The following PLEKHA1 variants were observed in gnomAD, a reference collection of about 807,000 sequenced individuals.
The protein encoded by PLEKHA1 is pleckstrin homology domain containing A1.
Under a neutral mutation model 52.0 loss-of-function variants are expected in PLEKHA1, and 34 were observed. The ratio of observed to expected loss-of-function variants is 0.65; its 90% CI spans 0.50 to 0.87. PLEKHA1 has a LOEUF of 0.87. PLEKHA1 is among the 40% of genes least tolerant of loss of function. The pLI is 0.00. For synonymous variants in PLEKHA1, 163 were observed against 170.7 expected (o/e 0.95, Z 0.35); for missense variants, 497 against 504.2 (o/e 0.99, Z 0.14).
chr10:122,428,632 AT>A (rs1229872235), intron 11 of PLEKHA1, among the ~76,000 whole-genome samples: 1 of 152,154 alleles, frequency 6.6e-6, no homozygotes, highest in Non-Finnish European at 1.5e-5. Flanking sequence ...GTATTTAAAA[AT>A]TTTTAAGATA....
At chr10:122,404,844 C>T (rs1590624162) in intron 4 of PLEKHA1, among the ~76,000 whole-genome samples, 2 of 152,176 alleles carry the variant, frequency 1.3e-5, no homozygotes, top group Non-Finnish European at 2.9e-5. Context: ...GTGTTTTGGT[C>T]TCAGTCCCAA....
At chr10:122,390,252 G>A (rs1388608869) in intron 1 of PLEKHA1, among the ~76,000 whole-genome samples, 1 of 152,210 alleles carries the variant, frequency 6.6e-6, no homozygotes, top group Non-Finnish European at 1.5e-5. Context: ...GGGGAATACT[G>A]TAGCTAATTT....
At chr10:122,374,998 G>C (rs1285847352) in intron 1 of PLEKHA1, 192 bp downstream of exon 1, 2 of 151,942 alleles carry the variant, frequency 1.3e-5, no homozygotes, top group African/African-American at 4.8e-5. Flanking sequence ...GCGCACGTCC[G>C]CGCCACGCGC....
intron 11 of PLEKHA1, among the ~76,000 whole-genome samples, chr10:122,428,829 A>T (rs1244919492): frequency 6.6e-6 from 1 of 152,236 alleles, no homozygotes; most frequent in African/African-American, 2.4e-5. Context: ...CACTGGTATC[A>T]TAAATGAATA....
Position 122,380,265 on chromosome 10 carries a change from A to G in PLEKHA1, c.-21+5459A>G, listed in dbSNP as rs1007805770. On this transcript the variant is annotated intron_variant, in intron 1 of 11. Transcript: ENST00000368990. ...AGTTACTGAGGGTCTTGCATGTGAC[A>G]GCCACTGTGTTAGGCATTGGAGAAA... 3.3e-5 allele frequency among the ~76,000 whole-genome samples: 5 copies of G among 152,240 alleles called. No individual in the cohort carries two copies. In the East Asian group the frequency reaches 9.6e-4, roughly 29 times the overall value.
intron 11 of PLEKHA1, among the ~76,000 whole-genome samples, chr10:122,428,726 A>G (rs543036408): frequency 1.3e-5 from 2 of 152,364 alleles, no homozygotes; most frequent in Admixed American, 6.5e-5. Context: ...GTACATTACT[A>G]TAGTTTGCAT....
In PLEKHA1 at chr10:122,404,041, G is replaced by A. The variant is rs570678883; in HGVS notation, c.245-2535G>A. Among the ~76,000 whole-genome samples the A allele has an allele frequency of 1.1e-3, 163 of 152,242 alleles. 1 individual carries two copies. The highest frequency in any genetic ancestry group is 3.8e-3 in the African/African-American group (158 of 41,548). ...ACTCCTTAGAAATCTCCAGATGATG[G>A]CAGTGAAGAATATTCTATACCAAGC... On this transcript the variant is annotated intron_variant, in intron 4 of 11. Coordinates refer to ENST00000368990, the MANE Select transcript of PLEKHA1 (RefSeq NM_001001974.4).
At chr10:122,432,547 G>A (rs2097423184), downstream of PLEKHA1, 1 of 78,366 alleles carries the variant, frequency 1.3e-5, no homozygotes, top group Non-Finnish European at 2.3e-5. Context: ...AAGGAAAAAT[G>A]ATTTTTTTTT....
Position 122,432,023 on chromosome 10 carries a change from A to C in PLEKHA1, c.*2085A>C, listed in dbSNP as rs536830854. On this transcript the variant is annotated 3_prime_UTR_variant, in exon 12 of 12. Coordinates refer to ENST00000368990, the MANE Select transcript of PLEKHA1 (RefSeq NM_001001974.4). ...TCTGTTTTGGGACATTTTAAAATAG[A>C]ACTATCCTTGTTCGATAGCATAGGA... 2 of 152,342 alleles carry C rather than the reference A, an allele frequency of 1.3e-5. No homozygotes were observed. The highest frequency in any genetic ancestry group is 4.1e-4 in the South Asian group (2 of 4,832). 9.4% of individuals were successfully genotyped at this position (152,342 alleles called of 1,614,324 possible).
downstream of PLEKHA1, chr10:122,433,275 G>GT (rs2097426547): frequency 6.6e-6 from 1 of 152,200 alleles, no homozygotes; most frequent in South Asian, 2.1e-4. Context: ...ACGACTTAAA[G>GT]ATCAGCTAGG....
At chr10:122,381,531 C>G (rs751314267) in intron 1 of PLEKHA1, among the ~76,000 whole-genome samples, 1 of 152,094 alleles carries the variant, frequency 6.6e-6, no homozygotes, top group Non-Finnish European at 1.5e-5. Context: ...CCTGCTCCTG[C>G]GATGTAAGAG....
chr10:122,384,625 A>G (rs2133777052), intron 1 of PLEKHA1, among the ~76,000 whole-genome samples: 1 of 150,352 alleles, frequency 6.7e-6, no homozygotes, highest in Non-Finnish European at 1.5e-5. Flanking sequence ...AAAAAAAAAA[A>G]AATGACTTGT....
At chr10:122,391,780 ATTTCC>A (rs1423509870) in intron 1 of PLEKHA1, among the ~76,000 whole-genome samples, 5 of 151,912 alleles carry the variant, frequency 3.3e-5, no homozygotes, top group Non-Finnish European at 7.4e-5. Flanking sequence ...TAAAGAAATT[ATTTCC>A]TTTAAAGTAT....
intron 1 of PLEKHA1, among the ~76,000 whole-genome samples, chr10:122,378,704 C>T (rs533183075): frequency 1.3e-5 from 2 of 149,998 alleles, no homozygotes; most frequent in Non-Finnish European, 3.0e-5. Context: ...CTGTGGCACT[C>T]CAGCCTGGGT....
intron 9 of PLEKHA1, 106 bp from the exon 10 acceptor site, chr10:122,424,790 C>A: frequency 1.3e-6 from 1 of 756,772 alleles, no homozygotes; most frequent in South Asian, 2.6e-5. Context: ...TAAATCAGTG[C>A]TTTACCTCAT....
intron 2 of PLEKHA1, among the ~76,000 whole-genome samples, chr10:122,396,715 C>T (rs1317752311): frequency 6.6e-6 from 1 of 152,040 alleles, no homozygotes; most frequent in Non-Finnish European, 1.5e-5. Context: ...CCTGTCTTAT[C>T]TCCAGCAGAA....
rs1336624699 is a variant in PLEKHA1, at chr10:122,400,497, T to A, written c.244+109T>A. The A allele has an allele frequency of 4.0e-6, 4 of 1,004,788 alleles. No homozygotes were observed. The East Asian group carries it at 1.0e-4, about 26-fold the overall frequency. 62.2% of individuals were successfully genotyped at this position (1,004,788 alleles called of 1,614,324 possible). On this transcript the variant is annotated intron_variant, in intron 4 of 11. Coordinates refer to ENST00000368990, the MANE Select transcript of PLEKHA1 (RefSeq NM_001001974.4). ...CAAAACCTAGGGCTTAATGAATTAT[T>A]CTAAAGTGAATTCCCTTGTAACTGC...
In PLEKHA1 at chr10:122,426,951, C is replaced by T; in HGVS notation, c.820C>T (p.Pro274Ser). The T allele has an allele frequency of 6.2e-7, 1 of 1,613,654 alleles. No homozygotes were observed. The highest frequency in any genetic ancestry group is 1.1e-5 in the South Asian group (1 of 91,054). ...SRTFYVQADS[P>S]EEMHSWIKAV... ...TTCTTTTTTCCTTTAGGCTGATAGC[C>T]CTGAAGAGATGCACAGTTGGATTAA... Residue 274 changes from proline to serine, a missense_variant, in exon 11 of 12, where the codon CCT (proline) becomes TCT (serine). Pro to Ser is a moderately conservative substitution (Grantham distance 74, BLOSUM62 -1). Transcript: ENST00000368990.
At position 122,429,650 on chromosome 10, in the gene PLEKHA1, C is replaced by G; in HGVS notation, c.927C>G (p.Ser309=). The change falls in exon 12 of 12, where the codon TCC becomes TCG. Residue 309 remains serine (S), a synonymous_variant. Coordinates refer to ENST00000368990, the MANE Select transcript of PLEKHA1 (RefSeq NM_001001974.4). The part of the protein sequence containing the change: ...SSEHPPGPSE[S]KHAFRPTNAA... ...AGCATCCCCCCGGTCCTTCAGAATC[C>G]AAACACGCTTTCCGTCCTACCAACG... The G allele has an allele frequency of 6.2e-7, 1 of 1,613,984 alleles. No individual in the cohort carries two copies. Among genetic ancestry groups the G allele is most frequent in the Non-Finnish European group, 8.5e-7 (1 of 1,179,972 alleles).
Sources: gnomAD v4.1 joint callset for allele counts (sites outside exome capture counted in the v4.1 genomes callset) on GRCh38, gnomAD v4.1.1 for gene constraint, MANE v1.5 for transcripts, NCBI Gene and HGNC (gene_info 2026-07-23, HGNC 2026-07-21) for gene names.